CHCHD6: variants seen among roughly 807,000 people sequenced by gnomAD.
CHCHD6 encodes coiled-coil-helix-coiled-coil-helix domain containing 6, also known as MICOS complex subunit MIC25.
Under a neutral mutation model 32.3 loss-of-function variants are expected in CHCHD6, and 28 were observed. The observed-to-expected ratio is 0.87, with a 90% CI of 0.64 to 1.19. The LOEUF is 1.19. Among genes scored for constraint, CHCHD6 ranks in the 50% most tolerant of loss-of-function variants. The pLI, the probability that CHCHD6 is intolerant of heterozygous loss-of-function variation, is 0.00. For synonymous variants in CHCHD6, 122 were observed against 117.5 expected, an observed-to-expected ratio of 1.04 and a Z score of -0.25; for missense variants, 333 against 307.0, an observed-to-expected ratio of 1.08 and a Z score of -0.63.
rs1034961577 is a variant in CHCHD6 at position 126,880,197 on chromosome 3, G to A, written c.495+27467G>A. 2.0e-5 allele frequency among the ~76,000 whole-genome samples: 3 copies of A among 152,262 alleles called. No homozygotes were observed. In the East Asian group the frequency reaches 5.8e-4, roughly 29 times the overall value. On this transcript the variant is annotated intron_variant, in intron 5 of 7. Coordinates refer to ENST00000290913, the MANE Select transcript of CHCHD6 (RefSeq NM_032343.3). ...GCTGACAGTGCCCCTTTCAGTGATG[G>A]AAACTCACAGAAAGGAAGTAGGGCG... is the stretch of plus-strand genomic sequence containing the variant.
chr3:126,912,612 C>T (rs975094607), intron 5 of CHCHD6, among the ~76,000 whole-genome samples: 1 of 152,232 alleles, frequency 6.6e-6, no homozygotes, highest in African/African-American at 2.4e-5. Flanking sequence ...TGCCTAAGCT[C>T]ACCAGGCAGT....
chr3:126,941,402 T>C (rs1395739472), intron 6 of CHCHD6, among the ~76,000 whole-genome samples: 1 of 152,240 alleles, frequency 6.6e-6, no homozygotes, highest in African/African-American at 2.4e-5. Context: ...ATTAGGAAGC[T>C]ATAGTTATTT....
chr3:126,883,220 C>G (rs1673085566), intron 5 of CHCHD6, among the ~76,000 whole-genome samples: 1 of 152,188 alleles, frequency 6.6e-6, no homozygotes, highest in African/African-American at 2.4e-5. Context: ...AACTGGTACA[C>G]CTCTGTGTTT....
chr3:126,904,143 A>G (rs2077972294), intron 5 of CHCHD6, among the ~76,000 whole-genome samples: 1 of 152,102 alleles, frequency 6.6e-6, no homozygotes. Flanking sequence ...CCAAAACACA[A>G]ACCCTTCCCT....
At chr3:126,891,149 G>A (rs1300680604) in intron 5 of CHCHD6, among the ~76,000 whole-genome samples, 1 of 152,204 alleles carries the variant, frequency 6.6e-6, no homozygotes, top group African/African-American at 2.4e-5. Flanking sequence ...AGCATGCTGT[G>A]GAGACGTATC....
chr3:126,862,681 A>C (rs1576513952), intron 5 of CHCHD6, among the ~76,000 whole-genome samples: 2 of 71,322 alleles, frequency 2.8e-5, no homozygotes, highest in Non-Finnish European at 5.6e-5. Context: ...CACCATCACC[A>C]CCTCCCCCTC....
intron 6 of CHCHD6, among the ~76,000 whole-genome samples, chr3:126,937,870 G>A (rs1024460992): frequency 4.6e-5 from 7 of 152,118 alleles, no homozygotes; most frequent in Non-Finnish European, 1.5e-5. Context: ...GGTTACTTCT[G>A]GGGGAGCGGG....
At chr3:126,877,438 G>T (rs1021948397) in intron 5 of CHCHD6, among the ~76,000 whole-genome samples, 1 of 151,868 alleles carries the variant, frequency 6.6e-6, no homozygotes, top group Non-Finnish European at 1.5e-5. Context: ...GCCTGTAGTC[G>T]CAGCTACTCA....
intron 4 of CHCHD6, among the ~76,000 whole-genome samples, chr3:126,762,221 T>C (rs1325858345): frequency 6.6e-6 from 1 of 152,188 alleles, no homozygotes; most frequent in Non-Finnish European, 1.5e-5. Flanking sequence ...TTCTAGTTCT[T>C]TAAGTTATAA....
At chr3:126,746,309 G>A (rs868072239) in intron 4 of CHCHD6, among the ~76,000 whole-genome samples, 1 of 152,160 alleles carries the variant, frequency 6.6e-6, no homozygotes, top group African/African-American at 2.4e-5. Flanking sequence ...GGAAAGTCAT[G>A]ACTTTCCTCT....
At chr3:126,873,230 G>T (rs1282303860) in intron 5 of CHCHD6, among the ~76,000 whole-genome samples, 1 of 152,208 alleles carries the variant, frequency 6.6e-6, no homozygotes, top group Non-Finnish European at 1.5e-5. Flanking sequence ...GGAAAAGACC[G>T]CAGGCCTATT....
intron 1 of CHCHD6, among the ~76,000 whole-genome samples, chr3:126,721,348 C>T (rs753167429): frequency 7.2e-5 from 11 of 152,328 alleles, no homozygotes; most frequent in East Asian, 3.9e-4. Context: ...GCCTCTTCCC[C>T]GGTGCCCTGC....
intron 4 of CHCHD6, among the ~76,000 whole-genome samples, chr3:126,845,764 G>A (rs768966766): frequency 6.6e-6 from 1 of 152,112 alleles, no homozygotes; most frequent in Non-Finnish European, 1.5e-5. Context: ...TATCATGCTA[G>A]AAATGGATTT....
intron 6 of CHCHD6, among the ~76,000 whole-genome samples, chr3:126,945,407 G>A (rs2078620878): frequency 6.6e-6 from 1 of 151,870 alleles, no homozygotes; most frequent in Admixed American, 6.6e-5. Context: ...GGCTGGAGGA[G>A]CAGACTCGAG....
chr3:126,794,955 C>T lies in CHCHD6; in HGVS notation c.412-57692C>T, dbSNP rs181536625. Among the ~76,000 whole-genome samples, 625 of 152,248 alleles carry T rather than the reference C, an allele frequency of 4.1e-3. 3 individuals are homozygous for T. Among genetic ancestry groups the T allele is most frequent in the Non-Finnish European group, 6.4e-3 (434 of 68,020 alleles). On this transcript the variant is annotated intron_variant, in intron 4 of 7. Transcript: ENST00000290913. ...AGCTGTATCTGGAGAGCCACATCAA[C>T]GGATAGATTTGGTCCTCTGGTCTTG...
Position 126,848,831 on chromosome 3 carries a change from G to T in CHCHD6, c.412-3816G>T, listed in dbSNP as rs539344744. ...TCCTATAAAATTAATGTCATCTGGA[G>T]TGAATTCATATTTCAGTTACTGCTT... On this transcript the variant is annotated intron_variant, in intron 4 of 7. Transcript: ENST00000290913. 5.3e-5 allele frequency among the ~76,000 whole-genome samples: 8 copies of T among 152,316 alleles called. No homozygotes were observed. The South Asian group carries it at 1.7e-3, about 32-fold the overall frequency.
chr3:126,856,563 A>G (rs1047011291), intron 5 of CHCHD6, among the ~76,000 whole-genome samples: 1 of 152,222 alleles, frequency 6.6e-6, no homozygotes, highest in African/African-American at 2.4e-5. Flanking sequence ...CTCAGTTGCC[A>G]GTTTGTAATT....
intron 4 of CHCHD6, among the ~76,000 whole-genome samples, chr3:126,748,359 C>T (rs1278146854): frequency 6.6e-6 from 1 of 152,158 alleles, no homozygotes; most frequent in Non-Finnish European, 1.5e-5. Context: ...CTTTGGGAAG[C>T]CAAGGCGGAT....
intron 5 of CHCHD6, among the ~76,000 whole-genome samples, chr3:126,901,307 C>T (rs1021459659): frequency 6.6e-6 from 1 of 152,236 alleles, no homozygotes; most frequent in Non-Finnish European, 1.5e-5. Context: ...ACGGGAGGCG[C>T]TGTCTGTGTC....
Sources: allele counts gnomAD v4.1 joint callset (sites outside exome capture counted in the v4.1 genomes callset), GRCh38; gene constraint gnomAD v4.1.1; transcripts MANE v1.5; gene names NCBI Gene and HGNC (gene_info 2026-07-23, HGNC 2026-07-21).